TMPRSS5: variants seen among roughly 807,000 people sequenced by gnomAD.
TMPRSS5 encodes transmembrane serine protease 5, also known as transmembrane protease serine 5.
In TMPRSS5, 45 loss-of-function variants were observed where a neutral mutation model predicts 59.7. The ratio of observed to expected loss-of-function variants is 0.75; its 90% CI spans 0.59 to 0.97. TMPRSS5 has a LOEUF of 0.97. TMPRSS5 is among the 50% of genes least tolerant of loss of function. TMPRSS5 has a pLI of 0.00. For synonymous variants in TMPRSS5, 225 were observed against 232.0 expected (o/e 0.97, Z 0.27); for missense variants, 585 against 596.7 (o/e 0.98, Z 0.20).
In TMPRSS5 at chr11:113,690,318, G is replaced by C; in HGVS notation, c.1119C>G (p.Leu373=). ...CGCTGTACACGCAAGAGCTGTTGCA[G>C]AGCTGAGTGCTGAACAAGGGCACCA... ...DTVVPLFSTQ[L]CNSSCVYSGA... is the part of the protein sequence containing the mutation. Residue 373 remains leucine, a synonymous_variant, in exon 11 of 13, where the codon CTC becomes CTG. Coordinates refer to ENST00000299882, the MANE Select transcript of TMPRSS5 (RefSeq NM_030770.4). The C allele has an allele frequency of 6.2e-7, 1 of 1,601,718 alleles. No individual in the cohort carries two copies. The highest frequency in any genetic ancestry group is 8.5e-7 in the Non-Finnish European group (1 of 1,174,926).
In TMPRSS5 at chr11:113,698,895, T is replaced by TG; in HGVS notation, c.328+9dup. The TG allele has an allele frequency of 6.3e-7, 1 of 1,580,588 alleles. No individual in the cohort carries two copies. The highest frequency in any genetic ancestry group is 1.2e-5 in the South Asian group (1 of 86,140). ...GGAGGGAGGCCCGTAGCCTTAGGGG[T>TG]GCAGCCCACCTGTTTTGGGAAGTGC... On this transcript the variant is annotated intron_variant, in intron 4 of 12. Transcript: ENST00000299882.
chr11:113,692,840 C>T (rs1353387150), intron 9 of TMPRSS5, among the ~76,000 whole-genome samples: 1 of 152,158 alleles, frequency 6.6e-6, no homozygotes, highest in Non-Finnish European at 1.5e-5. Context: ...CACCTGCCCC[C>T]TAGCCATGAA....
chr11:113,700,031 A>T, intron 2 of TMPRSS5, 35 bp downstream of exon 2: 1 of 1,552,308 alleles, frequency 6.4e-7, no homozygotes, highest in Non-Finnish European at 8.7e-7. Flanking sequence ...CACTGTCCCC[A>T]CCCTGTCATT....
chr11:113,698,689 C>T, intron 4 of TMPRSS5: 2 of 566,172 alleles, frequency 3.5e-6, no homozygotes, highest in East Asian at 3.1e-5. Flanking sequence ...CCGGACCTTG[C>T]CCCAGCTAGA....
chr11:113,697,193 G>T, intron 5 of TMPRSS5, 90 bp downstream of exon 5: 1 of 1,512,446 alleles, frequency 6.6e-7, no homozygotes, highest in South Asian at 1.3e-5. Context: ...TGAGCACATT[G>T]ACCAGTGACG....
rs1197232952 is a variant in TMPRSS5, at chr11:113,699,709, G to A, written c.107-16C>T. On this transcript the variant is annotated splice_polypyrimidine_tract_variant and intron_variant, in intron 2 of 12. Coordinates refer to ENST00000299882, the MANE Select transcript of TMPRSS5 (RefSeq NM_030770.4). ...GCCTGAGAAACTGTGGGAAAGGGCA[G>A]AGGGGTATCTGGGTCCCCTGCTCCT... is the stretch of plus-strand genomic sequence containing the variant. 1 of 1,556,720 alleles carries A rather than the reference G, an allele frequency of 6.4e-7. No individual in the cohort carries two copies. Among genetic ancestry groups the A allele is most frequent in the Non-Finnish European group, 8.7e-7 (1 of 1,149,906 alleles).
chr11:113,694,643 G>T lies in TMPRSS5; in HGVS notation c.623-3C>A, dbSNP rs1414386205. 6.5e-7 allele frequency: 1 copy of T among 1,540,076 alleles called. No homozygotes were observed. Among genetic ancestry groups the T allele is most frequent in the African/African-American group, 1.4e-5 (1 of 72,206 alleles). On this transcript the variant is annotated splice_region_variant and splice_polypyrimidine_tract_variant and intron_variant, in intron 7 of 12. Transcript: ENST00000299882. ...AGCCAGGGGCCTCGCTCCACACTCTGCCAACAGAGATGGGTGAGATAGAAA... is the reference window on the plus strand; with the variant it reads ...AGCCAGGGGCCTCGCTCCACACTCTTCCAACAGAGATGGGTGAGATAGAAA...
chr11:113,694,789 T>C, intron 7 of TMPRSS5, 149 bp from the exon 8 acceptor site: 1 of 843,154 alleles, frequency 1.2e-6, no homozygotes, highest in Non-Finnish European at 1.8e-6. Context: ...GTATGGGGGA[T>C]GGGAAGGTAG....
In TMPRSS5 at chr11:113,690,376, A is replaced by G. The variant is rs1190806783; in HGVS notation, c.1064-3T>C. On this transcript the variant is annotated splice_polypyrimidine_tract_variant and splice_region_variant and intron_variant, in intron 10 of 12. Coordinates refer to ENST00000299882, the MANE Select transcript of TMPRSS5 (RefSeq NM_030770.4). ...CTGGAGCATATCCGAGCTGTAAGCT[A>G]TGAGAGACACCGAGAAAAACTGCAG... 6.2e-7 allele frequency: 1 copy of G among 1,601,844 alleles called. No individual in the cohort carries two copies. The highest frequency in any genetic ancestry group is 8.5e-7 in the Non-Finnish European group (1 of 1,176,150).
Position 113,693,198 on chromosome 11 carries a change from G to C in TMPRSS5, c.837C>G (p.Ser279Arg). The stretch of plus-strand genomic sequence containing the variant: ...CTTGGTGGGGCCTGACGGCACTGTG[G>C]CTGACCAGCCCCGCATGAACCCGCC... ...SSWRVHAGLV[S>R]HSAVRPHQGA... The change falls in exon 9 of 13, where the codon AGC (serine) becomes AGG (arginine). Residue 279 changes from serine (S) to arginine (R), a missense_variant. Ser to Arg is a moderately radical substitution (Grantham distance 110, BLOSUM62 -1). Coordinates refer to ENST00000299882, the MANE Select transcript of TMPRSS5 (RefSeq NM_030770.4). 5 of 1,598,952 alleles carry C rather than the reference G, an allele frequency of 3.1e-6. No individual in the cohort carries two copies. Among genetic ancestry groups the C allele is most frequent in the Non-Finnish European group, 4.3e-6 (5 of 1,172,674 alleles).
chr11:113,689,975 G>A (rs1248389002), intron 11 of TMPRSS5, 58 bp from the exon 12 acceptor site: 3 of 1,471,956 alleles, frequency 2.0e-6, no homozygotes, highest in East Asian at 2.5e-5. Context: ...TCCTGATGGA[G>A]AGCACCAGAC....
At chr11:113,700,189 C>G in intron 1 of TMPRSS5, 21 bp from the exon 2 acceptor site, 1 of 1,511,088 alleles carries the variant, frequency 6.6e-7, no homozygotes, top group Non-Finnish European at 8.9e-7. Context: ...AAGGGCCAGA[C>G]ACCCAGGATC....
At chr11:113,689,268 A>G (rs1321976403) in intron 12 of TMPRSS5, among the ~76,000 whole-genome samples, 4 of 152,126 alleles carry the variant, frequency 2.6e-5, no homozygotes, top group Admixed American at 2.0e-4. Flanking sequence ...AGGCAGGAAA[A>G]TCGCTTGAAC....
At chr11:113,693,540 T>C in intron 8 of TMPRSS5, 1 of 272,916 alleles carries the variant, frequency 3.7e-6, no homozygotes, top group South Asian at 1.1e-4. Flanking sequence ...CTCCAAGTTT[T>C]ATAACAAACA....
chr11:113,699,262 T>TCTCTCCCCC (rs1953040951), intron 3 of TMPRSS5, among the ~76,000 whole-genome samples: 18 of 93,232 alleles, frequency 1.9e-4, no homozygotes, highest in Middle Eastern at 5.3e-3. Context: ...TCTCTCTCTC[T>TCTCTCCCCC]CTCTCTCTCC....
In TMPRSS5 at chr11:113,696,898, G is replaced by A. The variant is rs565692431; in HGVS notation, c.538C>T (p.Pro180Ser). ...NSSQEFAQLS[P>S]RLGGFLEEAW... ...TCCTCCAGGAAGCCTCCCAGTCTAG[G>A]AGAGAGCTGAGCAAACTCCTGGGAA... Residue 180 changes from proline (P) to serine (S), a missense_variant, in exon 6 of 13, where the codon CCT (proline) becomes TCT (serine). By Grantham distance (74) the Pro-to-Ser change is moderately conservative. Transcript: ENST00000299882. 2.2e-5 allele frequency: 34 copies of A among 1,576,068 alleles called. No homozygotes were observed. In the East Asian group the frequency reaches 6.3e-4, roughly 29 times the overall value.
chr11:113,690,488 C>T, intron 10 of TMPRSS5, 115 bp from the exon 11 acceptor site: 1 of 1,449,028 alleles, frequency 6.9e-7, no homozygotes, highest in Non-Finnish European at 9.1e-7. Flanking sequence ...AGAGGCGAGC[C>T]CAGGGTGGGA....
rs924526104 is a variant in TMPRSS5, at chr11:113,697,395, C to G, written c.352G>C (p.Asp118His). 1 of 1,613,702 alleles carries G rather than the reference C, an allele frequency of 6.2e-7. No homozygotes were observed. The highest frequency in any genetic ancestry group is 1.3e-5 in the African/African-American group (1 of 74,946). ...CTCACTTGCGCTTCCAGCAAGAAGT[C>G]TTCGCTGTTTATTCTGAAAGATACT... ...KTVSFRINSE[D>H]FLLEAQVRDQ... The change falls in exon 5 of 13, where the codon GAC becomes CAC. Residue 118 changes from aspartate to histidine, a missense_variant. Physicochemically the swap from Asp to His is moderately conservative, Grantham distance 81. Transcript: ENST00000299882.
Position 113,693,188 on chromosome 11 carries a change from C to T in TMPRSS5, c.847G>A (p.Val283Ile), listed in dbSNP as rs780324721. 3.4e-5 allele frequency: 55 copies of T among 1,600,756 alleles called. No homozygotes were observed. The highest frequency in any genetic ancestry group is 3.3e-4 in the Middle Eastern group (2 of 6,068). Residue 283 changes from valine (V) to isoleucine (I), a missense_variant, in exon 9 of 13, where the codon GTC becomes ATC. Physicochemically the swap from Val to Ile is conservative, Grantham distance 29 (BLOSUM62 3). Transcript: ENST00000299882. ...ACCAGAGCCCCTTGGTGGGGCCTGA[C>T]GGCACTGTGGCTGACCAGCCCCGCA... ...VHAGLVSHSA[V>I]RPHQGALVER...
Sources: gnomAD v4.1 joint callset for allele counts (sites outside exome capture counted in the v4.1 genomes callset) on GRCh38, gnomAD v4.1.1 for gene constraint, MANE v1.5 for transcripts, NCBI Gene and HGNC (gene_info 2026-07-23, HGNC 2026-07-21) for gene names.